RPS29: variants seen among roughly 807,000 people sequenced by gnomAD.
The protein encoded by RPS29 is ribosomal protein S29, also known as small ribosomal subunit protein uS14.
For synonymous variants in RPS29, 37 were observed against 26.9 expected (o/e 1.37, Z -1.16); for missense variants, 60 against 75.7 (o/e 0.79, Z 0.77).
chr14:49,582,214 G>C (rs1337657733), downstream of RPS29, among the ~76,000 whole-genome samples: 1 of 152,074 alleles, frequency 6.6e-6, no homozygotes, highest in African/African-American at 2.4e-5. Flanking sequence ...AGAATCAGTT[G>C]ATCCCAAGAG....
chr14:49,573,148 AAG>A (rs1291620037), exon 3 of RPS29: 2 of 151,766 alleles, frequency 1.3e-5, no homozygotes, highest in Admixed American at 1.3e-4. Context: ...AAGCAAGAGA[AAG>A]AGATTACCAA....
At chr14:49,593,715 A>AAAAAAAAAC in intron 1 of RPS29, among the ~76,000 whole-genome samples, 1 of 150,228 alleles carries the variant, frequency 6.7e-6, no homozygotes, top group Non-Finnish European at 1.5e-5. Context: ...AAAAAAAAAA[A>AAAAAAAAAC]AGACGTTTTA....
chr14:49,595,553 G>A (rs931584529), intron 1 of RPS29, among the ~76,000 whole-genome samples: 5 of 152,030 alleles, frequency 3.3e-5, no homozygotes, highest in Non-Finnish European at 7.4e-5. Flanking sequence ...GTTGCAGTGA[G>A]CTATGAATGT....
chr14:49,585,611 T>C (rs1251592406), intron 2 of RPS29: 2 of 425,472 alleles, frequency 4.7e-6, no homozygotes, highest in Non-Finnish European at 8.3e-6. Flanking sequence ...AATAGGTACT[T>C]ACAAGATTGA....
At chr14:49,581,064 G>C (rs894854734), downstream of RPS29, among the ~76,000 whole-genome samples, 4 of 151,890 alleles carry the variant, frequency 2.6e-5, no homozygotes, top group African/African-American at 7.3e-5. Context: ...GCGCATGCCT[G>C]TAATCCCAGC....
At chr14:49,577,659 T>C in exon 3 of RPS29, 1 of 742,140 alleles carries the variant, frequency 1.3e-6, no homozygotes, top group Non-Finnish European at 2.4e-6. Context: ...TCAAACCTTC[T>C]ATGAACCCTG....
chr14:49,590,013 T>C (rs1165666165), upstream of RPS29, among the ~76,000 whole-genome samples: 1 of 151,826 alleles, frequency 6.6e-6, no homozygotes, highest in Admixed American at 6.6e-5. Flanking sequence ...CCAAAGAAAG[T>C]AATAGACAGC....
intron 1 of RPS29, chr14:49,597,464 C>A (rs918245110): frequency 6.6e-6 from 1 of 152,104 alleles, no homozygotes; most frequent in Admixed American, 6.5e-5. Context: ...ATAATTCAGG[C>A]TGGTGTTTTA....
chr14:49,582,011 C>CT (rs1470810597), downstream of RPS29, among the ~76,000 whole-genome samples: 2 of 52,132 alleles, frequency 3.8e-5, no homozygotes, highest in Non-Finnish European at 9.2e-5. Flanking sequence ...ACCCTGCCCC[C>CT]CAAAAAAAAA....
chr14:49,593,540 C>G (rs1381730980), intron 1 of RPS29, among the ~76,000 whole-genome samples: 1 of 151,652 alleles, frequency 6.6e-6, no homozygotes, highest in Non-Finnish European at 1.5e-5. Context: ...TCCGTCTCTA[C>G]TAAAAATGCA....
chr14:49,589,326 T>G (rs1471450898), upstream of RPS29, among the ~76,000 whole-genome samples: 1 of 152,132 alleles, frequency 6.6e-6, no homozygotes, highest in Non-Finnish European at 1.5e-5. Context: ...AAAAGTGCCA[T>G]AATGTCCTTG....
intron 1 of RPS29, among the ~76,000 whole-genome samples, chr14:49,591,772 C>G (rs1453380666): frequency 6.6e-6 from 1 of 151,940 alleles, no homozygotes; most frequent in Non-Finnish European, 1.5e-5. Context: ...AGGCGCCCAC[C>G]ACCATGGCTG....
chr14:49,574,927 C>T (rs1449805423), exon 3 of RPS29: 3 of 152,284 alleles, frequency 2.0e-5, no homozygotes, highest in Non-Finnish European at 4.4e-5. Flanking sequence ...GTCCTTTGGA[C>T]TCTTAGAACA....
At chr14:49,577,803 A>G (rs778867706) in exon 3 of RPS29, 1 of 1,601,760 alleles carries the variant, frequency 6.2e-7, no homozygotes, top group Non-Finnish European at 8.5e-7. Context: ...ATGATGGAGG[A>G]GATGGGTGTC....
intron 2 of RPS29, chr14:49,585,597 A>T: frequency 2.6e-6 from 1 of 377,552 alleles, no homozygotes; most frequent in Non-Finnish European, 4.7e-6. Context: ...AAAAAAAAAA[A>T]GAGAATAGGT....
At chr14:49,586,385 T>G (rs777060078), upstream of RPS29, 7 of 1,581,318 alleles carry the variant, frequency 4.4e-6, no homozygotes, top group Non-Finnish European at 5.2e-6. Context: ...AGGAAGAAGC[T>G]GGCCCACGCA....
At chr14:49,573,466 C>CAAAAAAAA (rs538991068) in exon 3 of RPS29, 2 of 47,762 alleles carry the variant, frequency 4.2e-5, no homozygotes, top group Admixed American at 2.3e-4. Context: ...GAGTTAGAAT[C>CAAAAAAAA]AAAAAAAAAA....
chr14:49,582,437 C>A (rs1881367432), downstream of RPS29, among the ~76,000 whole-genome samples: 1 of 152,224 alleles, frequency 6.6e-6, no homozygotes, highest in Admixed American at 6.5e-5. Context: ...CTATTAAGTT[C>A]ATAAGCCAAA....
At chr14:49,596,788 T>C (rs1409887025) in intron 1 of RPS29, among the ~76,000 whole-genome samples, 1 of 151,694 alleles carries the variant, frequency 6.6e-6, no homozygotes, top group Non-Finnish European at 1.5e-5. Context: ...CTTTTTTTTT[T>C]TTTTTTTGAG....
Sources: gnomAD v4.1 joint callset for allele counts (sites outside exome capture counted in the v4.1 genomes callset) on GRCh38, gnomAD v4.1.1 for gene constraint, MANE v1.5 for transcripts, NCBI Gene and HGNC (gene_info 2026-07-23, HGNC 2026-07-21) for gene names.